VPS13D: variants seen among roughly 807,000 people sequenced by gnomAD.
The protein encoded by VPS13D is intermembrane lipid transfer protein VPS13D.
In VPS13D, 187 loss-of-function variants were observed where a neutral mutation model predicts 461.9. The ratio of observed to expected loss-of-function variants is 0.40; its 90% confidence interval spans 0.36 to 0.46. The LOEUF is 0.46. Among genes scored for constraint, VPS13D ranks in the 20% least tolerant of loss-of-function variants. The probability of loss-of-function intolerance (pLI) is 0.60; values close to 1 mark genes in which losing one functional copy is unlikely to be tolerated. For missense variants in VPS13D, 4,711 were observed against 5,364.9 expected (o/e 0.88, Z 3.81); for synonymous variants, 1,951 against 1,986.3 (o/e 0.98, Z 0.47).
chr1:12,262,178 C>A, intron 13 of VPS13D, 98 bp downstream of exon 13: 1 of 1,366,138 alleles, frequency 7.3e-7, no homozygotes, highest in South Asian at 1.5e-5. Context: ...TCTAGAAAGT[C>A]AGTGCGAAAA....
At position 12,396,029 on chromosome 1, in the gene VPS13D, A is replaced by ATATATGTATT. The variant is rs1553187933; in HGVS notation, c.11635-4152_11635-4151insTATATGTATT. 8.3e-4 allele frequency among the ~76,000 whole-genome samples: 99 copies of ATATATGTATT among 119,814 alleles called. 6 individuals carry two copies. The South Asian group carries it at 0.014, about 17-fold the overall frequency. 78.6% of individuals were successfully genotyped at this position (119,814 alleles called of 152,430 possible). ...TATATATATATATATATATATATAT[A>ATATATGTATT]GTTCTTTAAGATCAATAAAATTAAT... is the stretch of plus-strand genomic sequence containing the variant. On this transcript the variant is annotated intron_variant, in intron 60 of 69. Coordinates refer to ENST00000620676, the MANE Select transcript of VPS13D (RefSeq NM_015378.4).
At position 12,311,870 on chromosome 1, in the gene VPS13D, G is replaced by T; in HGVS notation, c.6880G>T (p.Val2294Leu). 1 of 1,614,182 alleles carries T rather than the reference G, an allele frequency of 6.2e-7. No individual in the cohort carries two copies. Among genetic ancestry groups the T allele is most frequent in the Non-Finnish European group, 8.5e-7 (1 of 1,180,006 alleles). The change falls in exon 29 of 70, where the codon GTA becomes TTA. Residue 2294 changes from valine (V) to leucine (L), a missense_variant. Transcript: ENST00000620676. ...CMCFLIDMVN[V>L]SLELKDPKRK... ...GTGCTTCCTCATTGATATGGTGAATGTAAGTCTGGAGCTTAAAGATCCAAA... is the reference window on the plus strand; with the variant it reads ...GTGCTTCCTCATTGATATGGTGAATTTAAGTCTGGAGCTTAAAGATCCAAA...
chr1:12,256,510 C>G lies in VPS13D; in HGVS notation c.840+7C>G. The G allele has an allele frequency of 1.9e-6, 3 of 1,613,358 alleles. No individual in the cohort carries two copies. Among genetic ancestry groups the G allele is most frequent in the Non-Finnish European group, 1.7e-6 (2 of 1,179,628 alleles). On this transcript the variant is annotated splice_region_variant and intron_variant, in intron 8 of 69. Transcript: ENST00000620676. Reference sequence around the variant, plus strand: ...TCCCTTGAAACTCTCTCAGGTATGCCCTTTCTTCTCAGTGGCATCTACTTA... The same window carrying G: ...TCCCTTGAAACTCTCTCAGGTATGCGCTTTCTTCTCAGTGGCATCTACTTA...
chr1:12,232,861 C>T (rs1007199964), intron 1 of VPS13D, among the ~76,000 whole-genome samples: 3 of 151,326 alleles, frequency 2.0e-5, no homozygotes, highest in East Asian at 1.9e-4. Flanking sequence ...AAAGCACTGT[C>T]GCCTCTCTCC....
At chr1:12,448,216 A>G (rs1402156420) in intron 65 of VPS13D, among the ~76,000 whole-genome samples, 1 of 152,146 alleles carries the variant, frequency 6.6e-6, no homozygotes, top group Non-Finnish European at 1.5e-5. Context: ...TGCTTTTGAG[A>G]GCCTGTGTGT....
At position 12,409,158 on chromosome 1, in the gene VPS13D, T is replaced by C. The variant is rs1570114839; in HGVS notation, c.12030+5185T>C. Among the ~76,000 whole-genome samples the C allele has an allele frequency of 2.0e-5, 3 of 152,146 alleles. No individual in the cohort carries two copies. In the East Asian group the frequency reaches 5.8e-4, roughly 29 times the overall value. On this transcript the variant is annotated intron_variant, in intron 63 of 69. Transcript: ENST00000620676. ...TATGTTGTCAAATTTATTAGTCTTTTGCTGTTTTGAATCTAATTTTTTTTT... is the reference window on the plus strand; with the variant it reads ...TATGTTGTCAAATTTATTAGTCTTTCGCTGTTTTGAATCTAATTTTTTTTT...
In VPS13D at chr1:12,247,919, G is replaced by T. The variant is rs186786786; in HGVS notation, c.448-1304G>T. Among the ~76,000 whole-genome samples the T allele has an allele frequency of 1.2e-3, 168 of 143,556 alleles. 4 individuals carry two copies. The East Asian group carries it at 0.031, about 26-fold the overall frequency. The allele number at this position is 143,556 out of a possible 152,430, so 94.2% of individuals were successfully genotyped here. A position where few individuals can be genotyped will look rare whatever the true frequency, so the allele number is the denominator to read the frequency against. ...TTTTTTTTTGAGACAGTGTTGCTCT[G>T]TTGCCCAGGCTGGAGTGCAGTGCAG... is the stretch of plus-strand genomic sequence containing the variant. On this transcript the variant is annotated intron_variant, in intron 5 of 69. Transcript: ENST00000620676.
In VPS13D at chr1:12,349,355, G is replaced by GA; in HGVS notation, c.9418dup (p.Ser3140LysfsTer26). 6.2e-7 allele frequency: 1 copy of GA among 1,613,874 alleles called. No individual in the cohort carries two copies. Among genetic ancestry groups the GA allele is most frequent in the Non-Finnish European group, 8.5e-7 (1 of 1,180,004 alleles). On this transcript the variant is annotated frameshift_variant, in exon 46 of 70. Coordinates refer to ENST00000620676, the MANE Select transcript of VPS13D (RefSeq NM_015378.4). LOFTEE classifies it high-confidence loss of function. ...ACGAGAGTGCCACTCTATGGACACA[G>GA]AAAAAAGCCGATTTTTCAGGTATGT...
intron 32 of VPS13D, among the ~76,000 whole-genome samples, chr1:12,320,218 A>C (rs1420518006): frequency 6.6e-6 from 1 of 152,228 alleles, no homozygotes; most frequent in Non-Finnish European, 1.5e-5. Context: ...TTTGTGTTGG[A>C]GTGGCCTTTG....
rs148754984 is a variant in VPS13D at position 12,277,694 on chromosome 1, A to G, written c.4106A>G (p.His1369Arg). The G allele has an allele frequency of 6.2e-7, 1 of 1,614,076 alleles. No individual in the cohort carries two copies. The highest frequency in any genetic ancestry group is 1.3e-5 in the African/African-American group (1 of 74,922). ...TATGGGTTTGACCTAGCTTCGTCTC[A>G]TTTGGACACTGTAAAGCTAATCTTG... is the stretch of plus-strand genomic sequence containing the variant. ...EIYGFDLASS[H>R]LDTVKLILNI... The change falls in exon 19 of 70, where the codon CAT becomes CGT. Residue 1369 changes from histidine to arginine, a missense_variant. By Grantham distance (29) the His-to-Arg change is conservative (BLOSUM62 0). Transcript: ENST00000620676.
At chr1:12,389,805 G>T (rs1387375236) in intron 60 of VPS13D, among the ~76,000 whole-genome samples, 1 of 152,200 alleles carries the variant, frequency 6.6e-6, no homozygotes, top group African/African-American at 2.4e-5. Context: ...TGGACCATTT[G>T]TAGTCCTGCC....
At chr1:12,395,007 T>C (rs940708806) in intron 60 of VPS13D, among the ~76,000 whole-genome samples, 1 of 152,172 alleles carries the variant, frequency 6.6e-6, no homozygotes, top group Non-Finnish European at 1.5e-5. Flanking sequence ...AAACAGTTCT[T>C]TTCGAGTGTA....
intron 65 of VPS13D, among the ~76,000 whole-genome samples, chr1:12,438,139 T>C (rs1010622349): frequency 1.3e-5 from 2 of 152,198 alleles, no homozygotes; most frequent in Non-Finnish European, 2.9e-5. Context: ...GTCTCTGTTA[T>C]AGGACTTAGA....
At chr1:12,384,822 TG>T (rs1439678362) in intron 58 of VPS13D, among the ~76,000 whole-genome samples, 5 of 152,288 alleles carry the variant, frequency 3.3e-5, no homozygotes, top group Middle Eastern at 3.4e-3. Context: ...GGTCTCGCTA[TG>T]TTCCCCAGGC....
intron 2 of VPS13D, among the ~76,000 whole-genome samples, chr1:12,237,321 T>G (rs554811082): frequency 8.4e-6 from 1 of 118,558 alleles, no homozygotes; most frequent in Non-Finnish European, 1.7e-5. Context: ...GAGATCCCTT[T>G]TCTACAAAAA....
chr1:12,343,161 TTTATC>T (rs1191871853), intron 42 of VPS13D, 110 bp downstream of exon 42: 5 of 906,218 alleles, frequency 5.5e-6, no homozygotes, highest in Non-Finnish European at 7.4e-6. Flanking sequence ...TTTATTTTAT[TTTATC>T]TTATCTTATT....
rs370830472 is a variant in VPS13D at position 12,373,876 on chromosome 1, C to T, written c.10917+18C>T. The T allele has an allele frequency of 1.3e-6, 2 of 1,588,186 alleles. No homozygotes were observed. The highest frequency in any genetic ancestry group is 1.4e-5 in the African/African-American group (1 of 73,458). ...AAAAGAAGGTAAGAGAGCTTACAAT[C>T]AGAGTTTAGAATACAAGGTTTTTAG... On this transcript the variant is annotated intron_variant, in intron 55 of 69. Coordinates refer to ENST00000620676, the MANE Select transcript of VPS13D (RefSeq NM_015378.4).
rs1323184748 is a variant in VPS13D, at chr1:12,373,787, A to C, written c.10846A>C (p.Lys3616Gln). The C allele has an allele frequency of 1.9e-6, 3 of 1,575,992 alleles. No individual in the cohort carries two copies. In the African/African-American group the frequency reaches 4.1e-5, roughly 22 times the overall value. ...AACAGGCAGGCCTGTGGCTTCCAAC[A>C]AGGCCATTACCTGTGCGGAGCTCGT... ...EGTGRPVASN[K>Q]AITCAELVLD... is the part of the protein sequence containing the mutation. The change falls in exon 55 of 70, where the codon AAG (lysine) becomes CAG (glutamine). Residue 3616 changes from lysine (K) to glutamine (Q), a missense_variant. Coordinates refer to ENST00000620676, the MANE Select transcript of VPS13D (RefSeq NM_015378.4).
At position 12,378,518 on chromosome 1, in the gene VPS13D, C is replaced by T. The variant is rs1460125869; in HGVS notation, c.11008C>T (p.Pro3670Ser). 1 of 1,611,974 alleles carries T rather than the reference C, an allele frequency of 6.2e-7. No individual in the cohort carries two copies. The highest frequency in any genetic ancestry group is 2.2e-5 in the East Asian group (1 of 44,660). Residue 3670 changes from proline (P) to serine (S), a missense_variant, in exon 56 of 70, where the codon CCC becomes TCC. Coordinates refer to ENST00000620676, the MANE Select transcript of VPS13D (RefSeq NM_015378.4). ...GSSVPHNPNK[P>S]SAARSTEGSA... ...CTCAGTTCCTCACAATCCCAATAAGCCCTCAGCCGCCCGCTCCACCGAGGG... is the reference window on the plus strand; with the variant it reads ...CTCAGTTCCTCACAATCCCAATAAGTCCTCAGCCGCCCGCTCCACCGAGGG...
Sources: allele counts gnomAD v4.1 joint callset (sites outside exome capture counted in the v4.1 genomes callset), GRCh38; gene constraint gnomAD v4.1.1; transcripts MANE v1.5; gene names NCBI Gene and HGNC (gene_info 2026-07-23, HGNC 2026-07-21).